The following VLDLR variants were observed in gnomAD, a reference collection of about 807,000 sequenced individuals.
VLDLR encodes the protein very low-density lipoprotein receptor.
Under a neutral mutation model 112.7 loss-of-function variants are expected in VLDLR, and 81 were observed. The ratio of observed to expected loss-of-function variants is 0.72; its 90% CI spans 0.60 to 0.86. The LOEUF (loss-of-function observed/expected upper bound fraction) is 0.86, where lower values mean the gene tolerates loss of function less well. Ranked by LOEUF, VLDLR falls within the 40% of genes least tolerant of loss-of-function variation. The pLI is 0.00. For missense variants in VLDLR, 1,237 were observed against 1,099.4 expected, an observed-to-expected ratio of 1.13 and a Z score of -1.77; for synonymous variants, 436 against 384.8, an observed-to-expected ratio of 1.13 and a Z score of -1.56.
At chr9:2,647,918 C>T (rs1818145812) in intron 12 of VLDLR, 1 of 571,354 alleles carries the variant, frequency 1.8e-6, no homozygotes, top group Non-Finnish European at 3.1e-6. Flanking sequence ...CAGTTTTCTT[C>T]TGGCTTTTTG....
intron 1 of VLDLR, among the ~76,000 whole-genome samples, chr9:2,622,606 A>G (rs555636432): frequency 6.6e-6 from 1 of 152,272 alleles, no homozygotes; most frequent in Admixed American, 6.5e-5. Flanking sequence ...AGCATTGAAC[A>G]ATGGTTCTGC....
intron 13 of VLDLR, 114 bp downstream of exon 13, chr9:2,648,461 G>T (rs1818167548): frequency 6.4e-7 from 1 of 1,555,968 alleles, no homozygotes; most frequent in Non-Finnish European, 8.8e-7. Flanking sequence ...TTGAGAAACT[G>T]CTTTCACTTA....
chr9:2,640,428 G>T (rs1008407239), intron 3 of VLDLR, among the ~76,000 whole-genome samples: 2 of 152,110 alleles, frequency 1.3e-5, no homozygotes, highest in Non-Finnish European at 2.9e-5. Flanking sequence ...CTAGTAATTG[G>T]GTGATATAGT....
Position 2,648,248 on chromosome 9 carries a change from G to T in VLDLR, c.1863G>T (p.Leu621Phe), listed in dbSNP as rs748106735. The change falls in exon 13 of 19, where the codon TTG (leucine) becomes TTT (phenylalanine). Residue 621 changes from leucine (L) to phenylalanine (F), a missense_variant. Leu to Phe is a conservative substitution (Grantham distance 22). Transcript: ENST00000382100. ...KSRLYWLDSK[L>F]HMLSSVDLNG... ...GCCTCTATTGGCTTGATTCTAAGTT[G>T]CACATGTTATCCAGCGTGGACTTGA... 1 of 1,614,154 alleles carries T rather than the reference G, an allele frequency of 6.2e-7. No individual in the cohort carries two copies. The highest frequency in any genetic ancestry group is 8.5e-7 in the Non-Finnish European group (1 of 1,180,012).
Position 2,639,939 on chromosome 9 carries a change from C to A in VLDLR, c.283C>A (p.Pro95Thr). 6.2e-7 allele frequency: 1 copy of A among 1,614,194 alleles called. No homozygotes were observed. The highest frequency in any genetic ancestry group is 1.1e-5 in the South Asian group (1 of 91,084). Residue 95 changes from proline (P) to threonine (T), a missense_variant, in exon 3 of 19, where the codon CCT (proline) becomes ACT (threonine). Pro to Thr is a conservative substitution (Grantham distance 38, BLOSUM62 -1). Coordinates refer to ENST00000382100, the MANE Select transcript of VLDLR (RefSeq NM_003383.5). ...CAGCCGATGGAAGTGTGATGGAGAT[C>A]CTGACTGCGAAGATGGTTCAGATGA... is the stretch of plus-strand genomic sequence containing the variant. ...VPSRWKCDGD[P>T]DCEDGSDESP...
At chr9:2,652,257 C>G (rs35991800) in intron 17 of VLDLR, among the ~76,000 whole-genome samples, 2,281 of 152,274 alleles carry the variant, frequency 0.015, 65 homozygotes, top group African/African-American at 0.052. Context: ...GTGTACTGTT[C>G]TGTTCCCCCT....
Position 2,656,783 on chromosome 9 carries a change from C to G in VLDLR, c.*2915C>G, listed in dbSNP as rs1358182079. 2.0e-5 allele frequency: 3 copies of G among 151,746 alleles called. No homozygotes were observed. Among genetic ancestry groups the G allele is most frequent in the African/African-American group, 7.3e-5 (3 of 41,312 alleles). 9.4% of individuals were successfully genotyped at this position (151,746 alleles called of 1,614,324 possible). A position where few individuals can be genotyped will look rare whatever the true frequency, so the allele number is the denominator to read the frequency against. ...ATTTGTGGCCTCTGGTAAAGAAATC[C>G]AGCCAAGTTCCTCTGTCCAAATTTT... is the stretch of plus-strand genomic sequence containing the variant. On this transcript the variant is annotated 3_prime_UTR_variant, in exon 19 of 19. Transcript: ENST00000382100.
At chr9:2,644,651 T>C (rs1817989487) in intron 7 of VLDLR, 83 bp from the exon 8 acceptor site, 1 of 1,594,890 alleles carries the variant, frequency 6.3e-7, no homozygotes, top group Admixed American at 1.7e-5. Flanking sequence ...ACTAGATAAG[T>C]TATCACAAAT....
At chr9:2,650,254 G>A in intron 14 of VLDLR, 116 bp from the exon 15 acceptor site, 3 of 1,262,420 alleles carry the variant, frequency 2.4e-6, no homozygotes, top group Non-Finnish European at 3.4e-6. Context: ...GATTAGCAGA[G>A]TAGACAAGTT....
rs568650572 is a variant in VLDLR at position 2,644,809 on chromosome 9, A to C, written c.1142A>C (p.Asp381Ala). 1.7e-5 allele frequency: 27 copies of C among 1,614,180 alleles called. 1 individual carries two copies. In the South Asian group the frequency reaches 3.0e-4, roughly 18 times the overall value. The change falls in exon 8 of 19, where the codon GAC (aspartate) becomes GCC (alanine). Residue 381 changes from aspartate to alanine, a missense_variant. Transcript: ENST00000382100. ...CKDLVIGYEC[D>A]CAAGFELIDR... is the part of the protein sequence containing the mutation. ...GACCTAGTTATAGGCTACGAGTGTG[A>C]CTGTGCAGCTGGGTTTGAACTGATA...
intron 14 of VLDLR, among the ~76,000 whole-genome samples, chr9:2,649,158 G>T (rs1408664976): frequency 6.6e-5 from 10 of 152,090 alleles, no homozygotes; most frequent in African/African-American, 2.2e-4. Context: ...AGTTTGCTAG[G>T]ATTTTTGCAA....
At chr9:2,624,081 T>C (rs1280441943) in intron 1 of VLDLR, among the ~76,000 whole-genome samples, 1 of 152,200 alleles carries the variant, frequency 6.6e-6, no homozygotes, top group African/African-American at 2.4e-5. Context: ...CTTTACCTTA[T>C]AGAATGCTAG....
intron 1 of VLDLR, among the ~76,000 whole-genome samples, chr9:2,628,492 T>C (rs1586635309): frequency 6.6e-6 from 1 of 152,144 alleles, no homozygotes; most frequent in African/African-American, 2.4e-5. Context: ...CTGAGGAAAT[T>C]AGTAGGGAAC....
At chr9:2,625,764 A>C (rs757071706) in intron 1 of VLDLR, among the ~76,000 whole-genome samples, 1 of 152,232 alleles carries the variant, frequency 6.6e-6, no homozygotes, top group Non-Finnish European at 1.5e-5. Flanking sequence ...CAAACAGTCC[A>C]AAAATACTGT....
At chr9:2,644,665 C>T (rs1817990787) in intron 7 of VLDLR, 69 bp from the exon 8 acceptor site, 11 of 1,607,482 alleles carry the variant, frequency 6.8e-6, no homozygotes, top group Non-Finnish European at 9.4e-6. Flanking sequence ...CACAAATAGC[C>T]TGGGTTTTAA....
At chr9:2,641,229 G>C in intron 3 of VLDLR, 148 bp from the exon 4 acceptor site, 1 of 1,234,632 alleles carries the variant, frequency 8.1e-7, no homozygotes, top group Non-Finnish European at 1.2e-6. Context: ...GCTGATGAAA[G>C]AGCTCCCCGG....
Position 2,655,666 on chromosome 9 carries a change from G to C in VLDLR, c.*1798G>C, listed in dbSNP as rs755429132. ...TTAAGGGATGCCCCCTTGTGATTTT[G>C]GTCAACTGAATGAAAAAGAAAAGAT... On this transcript the variant is annotated 3_prime_UTR_variant, in exon 19 of 19. Coordinates refer to ENST00000382100, the MANE Select transcript of VLDLR (RefSeq NM_003383.5). The C allele has an allele frequency of 6.6e-6, 1 of 152,014 alleles. No individual in the cohort carries two copies. The highest frequency in any genetic ancestry group is 1.5e-5 in the Non-Finnish European group (1 of 67,990). The allele number at this position is 152,014 out of a possible 1,614,324, so 9.4% of individuals were successfully genotyped here.
chr9:2,647,252 A>C (rs1196209800), intron 11 of VLDLR, among the ~76,000 whole-genome samples: 1 of 152,230 alleles, frequency 6.6e-6, no homozygotes, highest in Non-Finnish European at 1.5e-5. Flanking sequence ...GCCGAAATTT[A>C]AATGTCAGAC....
intron 16 of VLDLR, among the ~76,000 whole-genome samples, 154 bp from the exon 17 acceptor site, chr9:2,651,720 A>T (rs571399514): frequency 6.6e-6 from 1 of 152,354 alleles, no homozygotes; most frequent in African/African-American, 2.4e-5. Context: ...CATGTGACTC[A>T]AATACTTCTA....
Sources: allele counts gnomAD v4.1 joint callset (sites outside exome capture counted in the v4.1 genomes callset), GRCh38; gene constraint gnomAD v4.1.1; transcripts MANE v1.5; gene names NCBI Gene and HGNC (gene_info 2026-07-23, HGNC 2026-07-21).